The following LIPA variants were observed in gnomAD, a reference collection of about 807,000 sequenced individuals.
The protein encoded by LIPA is lipase A, lysosomal acid type.
Under a neutral mutation model 40.6 loss-of-function variants are expected in LIPA, and 26 were observed. The ratio of observed to expected loss-of-function variants is 0.64; its 90% CI spans 0.47 to 0.89. LIPA has a LOEUF of 0.89. LIPA is among the 40% of genes least tolerant of loss of function. LIPA has a pLI of 0.00. For missense variants in LIPA, 455 were observed against 479.6 expected (o/e 0.95, Z 0.48); for synonymous variants, 188 against 168.4 (o/e 1.12, Z -0.90).
At chr10:89,316,524 C>T (rs989411756) in intron 1 of LIPA, among the ~76,000 whole-genome samples, 6 of 152,270 alleles carry the variant, frequency 3.9e-5, no homozygotes, top group East Asian at 1.9e-4. Flanking sequence ...GGGGGAGGGG[C>T]GCCCACCATT....
rs1457911895 is a variant in LIPA, at chr10:89,245,721, A to C, written c.184T>G (p.Cys62Gly). ...LVETEDGYIL[C>G]LNRIPHGRKN... is the part of the protein sequence containing the mutation. ...CTCCCATGAGGAATTCGGTTAAGGC[A>C]CAGAATATATCCATCTTCTGTCTCA... Residue 62 changes from cysteine (C) to glycine (G), a missense_variant, in exon 3 of 10, where the codon TGC becomes GGC. Physicochemically the swap from Cys to Gly is radical, Grantham distance 159. Coordinates refer to ENST00000336233, the MANE Select transcript of LIPA (RefSeq NM_000235.4). The C allele has an allele frequency of 3.7e-6, 6 of 1,605,892 alleles. No individual in the cohort carries two copies.
intron 1 of LIPA, chr10:89,277,844 C>G (rs79479235): frequency 1.3e-5 from 2 of 151,982 alleles, no homozygotes; most frequent in Admixed American, 1.3e-4. Context: ...ATGTTGTTGT[C>G]GTTGTTTTCA....
chr10:89,300,690 A>T (rs1006922848), intron 1 of LIPA, among the ~76,000 whole-genome samples: 2 of 152,188 alleles, frequency 1.3e-5, no homozygotes, highest in East Asian at 3.9e-4. Context: ...AAAAGCCAAC[A>T]TTGAAATTTC....
At chr10:89,305,953 T>C in intron 1 of LIPA, 1 of 1,594,058 alleles carries the variant, frequency 6.3e-7, no homozygotes, top group Non-Finnish European at 8.6e-7. Context: ...TTTGTGTTTT[T>C]CCCTACAGTG....
intron 1 of LIPA, among the ~76,000 whole-genome samples, chr10:89,325,132 T>C (rs774216584): frequency 6.6e-6 from 1 of 152,146 alleles, no homozygotes; most frequent in South Asian, 2.1e-4. Flanking sequence ...TCATTAATCA[T>C]TAGAAAAATG....
intron 3 of LIPA, among the ~76,000 whole-genome samples, chr10:89,241,634 A>G (rs1341063879): frequency 6.6e-6 from 1 of 152,168 alleles, no homozygotes; most frequent in Non-Finnish European, 1.5e-5. Flanking sequence ...TATGACTCTA[A>G]TAGCTCAATG....
intron 1 of LIPA, among the ~76,000 whole-genome samples, chr10:89,257,426 A>G (rs1564770585): frequency 6.6e-6 from 1 of 152,216 alleles, no homozygotes; most frequent in Non-Finnish European, 1.5e-5. Context: ...ATCATAAGCC[A>G]GACTGGTGAA....
chr10:89,401,802 A>C (rs1189913418), intron 2 of LIPA, among the ~76,000 whole-genome samples: 2 of 135,690 alleles, frequency 1.5e-5, no homozygotes, highest in African/African-American at 5.6e-5. Flanking sequence ...AAAAAAAAAA[A>C]CCCGGGTCAA....
chr10:89,295,158 C>T lies in LIPA; in HGVS notation c.-2+47453G>A, dbSNP rs192085825. On this transcript the variant is annotated intron_variant, in intron 1 of 5. Coordinates refer to the LIPA transcript ENST00000282673. ...AGTTCATGTGGAAGACCATTTTAAA[C>T]GTGTATTTGTGAATGAGTACAGAAG... Among the ~76,000 whole-genome samples the T allele has an allele frequency of 1.9e-3, 290 of 150,750 alleles. 2 individuals carry two copies. The highest frequency in any genetic ancestry group is 3.3e-3 in the Non-Finnish European group (220 of 67,674).
chr10:89,235,750 C>T (rs767342347), intron 3 of LIPA, among the ~76,000 whole-genome samples: 2 of 152,200 alleles, frequency 1.3e-5, no homozygotes, highest in African/African-American at 2.4e-5. Context: ...GACACCAGGG[C>T]GTTAGCATGA....
intron 1 of LIPA, among the ~76,000 whole-genome samples, chr10:89,324,496 C>T (rs909184701): frequency 3.3e-5 from 5 of 152,096 alleles, no homozygotes; most frequent in African/African-American, 7.2e-5. Context: ...AAAGCAACTA[C>T]GACAAAACCA....
chr10:89,408,057 G>C (rs1262283147), intron 2 of LIPA, among the ~76,000 whole-genome samples: 3 of 152,132 alleles, frequency 2.0e-5, no homozygotes, highest in Non-Finnish European at 2.9e-5. Flanking sequence ...TTCTTGGGCA[G>C]GGGGAGAAAC....
At chr10:89,344,920 C>T (rs146956262), upstream of LIPA, among the ~76,000 whole-genome samples, 2 of 152,250 alleles carry the variant, frequency 1.3e-5, no homozygotes, top group Non-Finnish European at 2.9e-5. Flanking sequence ...GTATTTAGTA[C>T]ACTTTGGGAG....
upstream of LIPA, among the ~76,000 whole-genome samples, chr10:89,347,089 T>C (rs1211344781): frequency 6.6e-6 from 1 of 152,212 alleles, no homozygotes; most frequent in Non-Finnish European, 1.5e-5. Context: ...GGATTCAACA[T>C]ATGGTCATAC....
At chr10:89,267,944 T>G (rs1201942651) in intron 1 of LIPA, among the ~76,000 whole-genome samples, 1 of 151,584 alleles carries the variant, frequency 6.6e-6, no homozygotes, top group Non-Finnish European at 1.5e-5. Context: ...CTCAGGGGAG[T>G]TAAGGAATGG....
chr10:89,260,148 G>C (rs969770998), intron 1 of LIPA, among the ~76,000 whole-genome samples: 1 of 152,050 alleles, frequency 6.6e-6, no homozygotes, highest in Non-Finnish European at 1.5e-5. Flanking sequence ...ATTCATTATC[G>C]TGTTGAATCA....
intron 1 of LIPA, among the ~76,000 whole-genome samples, chr10:89,335,112 T>C (rs12241223): frequency 0.011 from 1,670 of 152,276 alleles, 17 homozygotes; most frequent in African/African-American, 0.034. Context: ...AGAGATCAAG[T>C]ATCAAATACC....
At chr10:89,223,195 G>T (rs535637944) in intron 7 of LIPA, among the ~76,000 whole-genome samples, 1 of 152,084 alleles carries the variant, frequency 6.6e-6, no homozygotes, top group South Asian at 2.1e-4. Context: ...GATTCGGGGG[G>T]TCCATGTGCA....
chr10:89,402,815 G>A, intron 2 of LIPA: 2 of 1,614,208 alleles, frequency 1.2e-6, no homozygotes, highest in Non-Finnish European at 8.5e-7. Flanking sequence ...CCAGCGCTGG[G>A]TATGCGATCT....
Sources: allele counts gnomAD v4.1 joint callset (sites outside exome capture counted in the v4.1 genomes callset), GRCh38; gene constraint gnomAD v4.1.1; transcripts MANE v1.5; gene names NCBI Gene and HGNC (gene_info 2026-07-23, HGNC 2026-07-21).